UBR1: variants seen among roughly 807,000 people sequenced by gnomAD.
UBR1 encodes E3 ubiquitin-protein ligase UBR1.
Under a neutral mutation model 242.1 loss-of-function variants are expected in UBR1, and 102 were observed. The observed-to-expected ratio is 0.42, with a 90% CI of 0.36 to 0.50. UBR1 has a LOEUF of 0.50. UBR1 is among the 20% of genes least tolerant of loss of function. The pLI is 0.01. For synonymous variants in UBR1, 675 were observed against 684.8 expected, an observed-to-expected ratio of 0.99 and a Z score of 0.22; for missense variants, 1,772 against 2,101.8, an observed-to-expected ratio of 0.84 and a Z score of 3.07.
chr15:43,075,851 G>A (rs1480292040), intron 3 of UBR1, among the ~76,000 whole-genome samples: 1 of 151,908 alleles, frequency 6.6e-6, no homozygotes, highest in Non-Finnish European at 1.5e-5. Flanking sequence ...CCGACCTCAG[G>A]TGATCCGCCC....
intron 19 of UBR1, among the ~76,000 whole-genome samples, chr15:43,034,294 G>C (rs1045986256): frequency 6.8e-6 from 1 of 148,074 alleles, no homozygotes; most frequent in Non-Finnish European, 1.5e-5. Flanking sequence ...ATAAATAAAT[G>C]AGCTGGGCGT....
At chr15:43,048,246 G>C in intron 13 of UBR1, 146 bp downstream of exon 13, 1 of 654,794 alleles carries the variant, frequency 1.5e-6, no homozygotes, top group South Asian at 1.9e-5. Context: ...TATCAAAACA[G>C]GATGAGTGAG....
intron 1 of UBR1, among the ~76,000 whole-genome samples, chr15:43,101,947 A>G (rs2141373546): frequency 7.2e-6 from 1 of 138,134 alleles, no homozygotes; most frequent in South Asian, 2.7e-4. Flanking sequence ...AGCCTTGGCG[A>G]CAGAGAGAGA....
At chr15:43,028,391 C>G (rs914414080) in intron 21 of UBR1, among the ~76,000 whole-genome samples, 2 of 152,104 alleles carry the variant, frequency 1.3e-5, no homozygotes, top group African/African-American at 4.8e-5. Context: ...AGTCAAACTA[C>G]TACAGTAAGC....
intron 8 of UBR1, 40 bp from the exon 9 acceptor site, chr15:43,059,232 T>C (rs1431731117): frequency 6.4e-7 from 1 of 1,567,590 alleles, no homozygotes; most frequent in Admixed American, 1.7e-5. Context: ...CAACTTGTAT[T>C]CTTTTTCTTT....
At chr15:43,011,979 C>G (rs764832072) in intron 29 of UBR1, 6 of 440,832 alleles carry the variant, frequency 1.4e-5, no homozygotes, top group South Asian at 8.1e-5. Context: ...GTAATCCCAG[C>G]GCTTTGGGAG....
chr15:42,990,491 T>C (rs1384219585), intron 33 of UBR1, among the ~76,000 whole-genome samples: 1 of 152,208 alleles, frequency 6.6e-6, no homozygotes, highest in Non-Finnish European at 1.5e-5. Flanking sequence ...TTTTTAATAC[T>C]ATACATGATC....
chr15:43,087,199 A>G (rs1424173462), intron 1 of UBR1, among the ~76,000 whole-genome samples: 1 of 152,020 alleles, frequency 6.6e-6, no homozygotes, highest in Non-Finnish European at 1.5e-5. Flanking sequence ...AGGTCAGGAG[A>G]TCGAGACCAC....
At chr15:42,987,694 A>G (rs1374169657) in intron 35 of UBR1, among the ~76,000 whole-genome samples, 2 of 132,912 alleles carry the variant, frequency 1.5e-5, no homozygotes, top group Admixed American at 8.9e-5. Context: ...GTCTGCCAAT[A>G]GAGCGAGACT....
In UBR1 at chr15:43,054,798, G is replaced by A; in HGVS notation, c.1383C>T (p.Phe461=). The change falls in exon 12 of 47, where the codon TTC becomes TTT. Residue 461 remains phenylalanine, a synonymous_variant. Transcript: ENST00000290650. ...EYLDRNNKFN[F]QGYSQDKLGR... ...CCAATTTGTCCTGGCTATAACCCTGGAAGTTGAATTTATTGTTCCTGTCCA... is the reference window on the plus strand; with the variant it reads ...CCAATTTGTCCTGGCTATAACCCTGAAAGTTGAATTTATTGTTCCTGTCCA... 6.2e-7 allele frequency: 1 copy of A among 1,614,082 alleles called. No homozygotes were observed. The highest frequency in any genetic ancestry group is 8.5e-7 in the Non-Finnish European group (1 of 1,180,014).
In UBR1 at chr15:42,977,933, T is replaced by C. The variant is rs546603068; in HGVS notation, c.4165A>G (p.Ile1389Val). Reference protein sequence around the residue: ...VRLLSVVLPNIKSEDTPCLLS... With the variant: ...VRLLSVVLPNVKSEDTPCLLS... ...AGGCATGGTGTATCTTCTGATTTTA[T>C]GTTAGGAAGAACAACTAAAACAAAC... The change falls in exon 38 of 47, where the codon ATA (isoleucine) becomes GTA (valine). Residue 1389 changes from isoleucine (I) to valine (V), a missense_variant. Ile to Val is a conservative substitution (Grantham distance 29, BLOSUM62 3). Coordinates refer to ENST00000290650, the MANE Select transcript of UBR1 (RefSeq NM_174916.3). 4 of 1,612,916 alleles carry C rather than the reference T, an allele frequency of 2.5e-6. No individual in the cohort carries two copies. The highest frequency in any genetic ancestry group is 2.7e-5 in the African/African-American group (2 of 74,906).
chr15:43,100,784 G>A (rs936745549), intron 1 of UBR1, among the ~76,000 whole-genome samples: 1 of 152,170 alleles, frequency 6.6e-6, no homozygotes, highest in African/African-American at 2.4e-5. Flanking sequence ...GCAGTGAGCC[G>A]AGATCGCACC....
intron 29 of UBR1, among the ~76,000 whole-genome samples, chr15:43,009,646 C>T (rs1358203493): frequency 1.3e-5 from 2 of 152,124 alleles, no homozygotes; most frequent in African/African-American, 2.4e-5. Flanking sequence ...GAAACTGAGG[C>T]CTAGTGACAA....
At position 42,943,108 on chromosome 15, in the gene UBR1, GAAATGAC is replaced by G. The variant is rs890634674; in HGVS notation, c.*2214_*2220del. On this transcript the variant is annotated 3_prime_UTR_variant, in exon 47 of 47. Transcript: ENST00000290650. ...GTGAACCAAAATGCATAGTTGTTAT[GAAATGAC>G]AAATGACCACTAAAAGGTGAACTCA... 2.6e-5 allele frequency: 4 copies of G among 152,546 alleles called. No individual in the cohort carries two copies. Among genetic ancestry groups the G allele is most frequent in the African/African-American group, 9.7e-5 (4 of 41,416 alleles). 9.4% of individuals were successfully genotyped at this position (152,546 alleles called of 1,614,324 possible). A position where few individuals can be genotyped will look rare whatever the true frequency, so the allele number is the denominator to read the frequency against.
intron 44 of UBR1, among the ~76,000 whole-genome samples, chr15:42,954,201 T>A (rs993401594): frequency 1.3e-5 from 2 of 152,154 alleles, no homozygotes; most frequent in Admixed American, 1.3e-4. Context: ...GTATTCTTAA[T>A]GCCTGGAAGA....
chr15:43,076,516 C>T (rs1389915123), intron 3 of UBR1, among the ~76,000 whole-genome samples: 1 of 150,072 alleles, frequency 6.7e-6, no homozygotes, highest in Non-Finnish European at 1.5e-5. Flanking sequence ...TCTGCCCGGC[C>T]GCCCATCGTC....
At chr15:43,094,711 A>C (rs1201279827) in intron 1 of UBR1, among the ~76,000 whole-genome samples, 1 of 152,110 alleles carries the variant, frequency 6.6e-6, no homozygotes, top group Non-Finnish European at 1.5e-5. Flanking sequence ...CATCACAATT[A>C]AGTTAGTTTT....
At chr15:43,021,024 A>G (rs558608968) in intron 27 of UBR1, 14 of 393,744 alleles carry the variant, frequency 3.6e-5, no homozygotes, top group Non-Finnish European at 4.3e-5. Flanking sequence ...CTAGAAATCT[A>G]TAAGTGAGCA....
intron 39 of UBR1, among the ~76,000 whole-genome samples, chr15:42,972,460 C>G (rs2141264007): frequency 6.6e-6 from 1 of 152,220 alleles, no homozygotes; most frequent in African/African-American, 2.4e-5. Context: ...CCCCCGCCTC[C>G]TGGGTTCCAG....
Sources: gnomAD v4.1 joint callset for allele counts (sites outside exome capture counted in the v4.1 genomes callset) on GRCh38, gnomAD v4.1.1 for gene constraint, MANE v1.5 for transcripts, NCBI Gene and HGNC (gene_info 2026-07-23, HGNC 2026-07-21) for gene names.